The following FNBP1 variants were observed in gnomAD, a reference collection of about 807,000 sequenced individuals.
FNBP1 encodes the protein formin binding protein 1.
Under a neutral mutation model 90.6 loss-of-function variants are expected in FNBP1, and 26 were observed. That is an observed-to-expected ratio of 0.29 (90% CI 0.21 to 0.40). The LOEUF (loss-of-function observed/expected upper bound fraction) is 0.40, where lower values mean the gene tolerates loss of function less well. Ranked by LOEUF, FNBP1 falls within the 10% of genes least tolerant of loss-of-function variation. FNBP1 has a pLI of 1.00. For synonymous variants in FNBP1, 260 were observed against 265.2 expected (o/e 0.98, Z 0.19); for missense variants, 635 against 768.0 (o/e 0.83, Z 2.05).
rs968931503 is a variant in FNBP1, at chr9:129,889,220, G to T, written c.*1319C>A. 3 of 200,630 alleles carry T rather than the reference G, an allele frequency of 1.5e-5. No homozygotes were observed. The highest frequency in any genetic ancestry group is 6.9e-5 in the African/African-American group (3 of 43,380). The allele number at this position is 200,630 out of a possible 1,614,324, so 12.4% of individuals were successfully genotyped here. A position where few individuals can be genotyped will look rare whatever the true frequency, so the allele number is the denominator to read the frequency against. On this transcript the variant is annotated 3_prime_UTR_variant, in exon 17 of 17. Transcript: ENST00000446176. ...AGAGCACGTGATAAAATACAAGGGTGGTGGCGGCGGGATCCCTCAAAGGAC... is the reference window on the plus strand; with the variant it reads ...AGAGCACGTGATAAAATACAAGGGTTGTGGCGGCGGGATCCCTCAAAGGAC...
At chr9:129,941,110 C>T (rs991084799) in intron 6 of FNBP1, among the ~76,000 whole-genome samples, 7 of 151,814 alleles carry the variant, frequency 4.6e-5, no homozygotes, top group South Asian at 2.1e-4. Flanking sequence ...ACGTCAAGGC[C>T]GGGTGTGGTG....
intron 12 of FNBP1, among the ~76,000 whole-genome samples, chr9:129,906,469 C>T (rs1004358388): frequency 6.6e-6 from 1 of 152,050 alleles, no homozygotes; most frequent in Non-Finnish European, 1.5e-5. Flanking sequence ...AGGCTGCTCT[C>T]GTAATAGTGA....
chr9:129,895,419 G>A, intron 16 of FNBP1: 2 of 1,100,416 alleles, frequency 1.8e-6, no homozygotes, highest in Non-Finnish European at 2.2e-6. Flanking sequence ...GTAGCTCAGT[G>A]TATGGTGGAT....
At chr9:129,906,853 CACTGCA>C (rs1263266616) in intron 12 of FNBP1, among the ~76,000 whole-genome samples, 1 of 151,996 alleles carries the variant, frequency 6.6e-6, no homozygotes, top group Non-Finnish European at 1.5e-5. Context: ...AGTCTTGGCT[CACTGCA>C]ACCTCTGACT....
intron 6 of FNBP1, among the ~76,000 whole-genome samples, chr9:129,947,450 A>G (rs2045489372): frequency 6.6e-6 from 1 of 151,734 alleles, no homozygotes; most frequent in Non-Finnish European, 1.5e-5. Context: ...CAAAAAAAAA[A>G]AAGAAAAGAA....
At chr9:129,932,547 T>C (rs2132113333) in intron 6 of FNBP1, among the ~76,000 whole-genome samples, 1 of 152,290 alleles carries the variant, frequency 6.6e-6, no homozygotes, top group East Asian at 1.9e-4. Context: ...ACTTCCCAAA[T>C]GAAGGTAACA....
At chr9:130,016,629 G>A (rs1426563464) in intron 1 of FNBP1, among the ~76,000 whole-genome samples, 3 of 152,144 alleles carry the variant, frequency 2.0e-5, no homozygotes, top group East Asian at 3.9e-4. Flanking sequence ...TGTAATTAGA[G>A]CTACTCAGGA....
In FNBP1 at chr9:130,042,910, C is replaced by A. The variant is rs2059971314; in HGVS notation, c.24+42G>T. 19 of 1,210,838 alleles carry A rather than the reference C, an allele frequency of 1.6e-5. No individual in the cohort carries two copies. The highest frequency in any genetic ancestry group is 2.0e-5 in the Non-Finnish European group (19 of 968,094). The allele number at this position is 1,210,838 out of a possible 1,614,324, so 75.0% of individuals were successfully genotyped here. ...CTCCCCAGGCCGCGGGGAAACGCAG[C>A]GCGCGCCCCGCATCTGCCCGCGGGC... On this transcript the variant is annotated intron_variant, in intron 1 of 16. Coordinates refer to ENST00000446176, the MANE Select transcript of FNBP1 (RefSeq NM_015033.3). This position sits in a 1 kb window ranked among gnomAD's most constrained non-coding sequence, Gnocchi z 5.5.
intron 8 of FNBP1, among the ~76,000 whole-genome samples, chr9:129,925,802 C>G (rs796186768): frequency 4.6e-5 from 7 of 151,490 alleles, no homozygotes; most frequent in African/African-American, 1.7e-4. Flanking sequence ...CCATGTTGGC[C>G]AGGCTGGTCT....
intron 6 of FNBP1, among the ~76,000 whole-genome samples, chr9:129,931,456 A>C (rs2042726361): frequency 6.6e-6 from 1 of 151,544 alleles, no homozygotes; most frequent in Admixed American, 6.6e-5. Flanking sequence ...AATACAAAAA[A>C]TTAGCCGGGT....
intron 4 of FNBP1, 109 bp downstream of exon 4, chr9:129,978,356 G>C (rs1374776476): frequency 2.1e-5 from 20 of 950,184 alleles, no homozygotes; most frequent in Non-Finnish European, 2.5e-5. Flanking sequence ...AAAGGTATGA[G>C]TTTAAGACCC....
Position 129,887,841 on chromosome 9 carries a change from G to C in FNBP1, c.*2698C>G, listed in dbSNP as rs148548811. ...TGGCGAAGTGACAGGCGGCAGATACGGGGGAGGAAGGAGACGTTCACGGGA... is the reference window on the plus strand; with the variant it reads ...TGGCGAAGTGACAGGCGGCAGATACCGGGGAGGAAGGAGACGTTCACGGGA... On this transcript the variant is annotated 3_prime_UTR_variant, in exon 17 of 17. Transcript: ENST00000446176. The C allele has an allele frequency of 1.3e-5, 3 of 230,904 alleles. No individual in the cohort carries two copies. In the East Asian group the frequency reaches 1.8e-4, roughly 14 times the overall value. 14.3% of individuals were successfully genotyped at this position (230,904 alleles called of 1,614,324 possible). A position where few individuals can be genotyped will look rare whatever the true frequency, so the allele number is the denominator to read the frequency against.
intron 16 of FNBP1, among the ~76,000 whole-genome samples, chr9:129,892,380 C>T (rs2035192950): frequency 7.6e-6 from 1 of 132,042 alleles, no homozygotes; most frequent in Non-Finnish European, 1.6e-5. Context: ...CACACACACA[C>T]ACACACACAC....
At chr9:129,996,867 G>A (rs1233595407) in intron 1 of FNBP1, among the ~76,000 whole-genome samples, 1 of 151,950 alleles carries the variant, frequency 6.6e-6, no homozygotes, top group African/African-American at 2.4e-5. Context: ...ACTAATTTTT[G>A]TATTTTTTGC....
chr9:130,043,073 G>A lies in FNBP1; in HGVS notation c.-98C>T, dbSNP rs2059986319. The A allele has an allele frequency of 8.8e-7, 1 of 1,140,586 alleles. No individual in the cohort carries two copies. The highest frequency in any genetic ancestry group is 1.1e-6 in the Non-Finnish European group (1 of 907,938). 70.7% of individuals were successfully genotyped at this position (1,140,586 alleles called of 1,614,324 possible). A position where few individuals can be genotyped will look rare whatever the true frequency, so the allele number is the denominator to read the frequency against. On this transcript the variant is annotated 5_prime_UTR_variant, in exon 1 of 17. Coordinates refer to ENST00000446176, the MANE Select transcript of FNBP1 (RefSeq NM_015033.3). ...TGCCCCCCGAGATCCCCGCGACGGC[G>A]GAAAGCCCGGAGTCCGCGCGGCCTC...
chr9:129,937,608 G>A (rs2043677770), intron 6 of FNBP1, among the ~76,000 whole-genome samples: 2 of 151,470 alleles, frequency 1.3e-5, no homozygotes, highest in Non-Finnish European at 2.9e-5. Flanking sequence ...GCACGTGCCT[G>A]TAATCCCAGC....
intron 6 of FNBP1, among the ~76,000 whole-genome samples, chr9:129,932,803 C>T (rs539304032): frequency 6.6e-6 from 1 of 152,066 alleles, no homozygotes; most frequent in South Asian, 2.1e-4. Context: ...ACCCAGCTAC[C>T]CTCAAAAATC....
intron 6 of FNBP1, among the ~76,000 whole-genome samples, chr9:129,937,935 G>C (rs927187490): frequency 6.6e-6 from 1 of 152,010 alleles, no homozygotes. Flanking sequence ...GGCTGAGGTG[G>C]GCATGTCAGT....
At chr9:129,968,146 G>T (rs554679738) in intron 4 of FNBP1, among the ~76,000 whole-genome samples, 1 of 152,132 alleles carries the variant, frequency 6.6e-6, no homozygotes, top group Non-Finnish European at 1.5e-5. Flanking sequence ...TGTAATCCCA[G>T]CACTTTGGGA....
Sources: allele counts gnomAD v4.1 joint callset (sites outside exome capture counted in the v4.1 genomes callset), GRCh38; gene constraint gnomAD v4.1.1; non-coding constraint Gnocchi (gnomAD v3.1); transcripts MANE v1.5; gene names NCBI Gene and HGNC (gene_info 2026-07-23, HGNC 2026-07-21).